The following GNAO1 variants were observed in gnomAD, a reference collection of about 807,000 sequenced individuals.
GNAO1 encodes guanine nucleotide-binding protein G(o) subunit alpha.
For synonymous variants in GNAO1, 164 were observed against 180.7 expected (o/e 0.91, Z 0.74); for missense variants, 166 against 478.7 (o/e 0.35, Z 6.10).
intron 3 of GNAO1, among the ~76,000 whole-genome samples, chr16:56,281,579 T>C (rs1294148529): frequency 6.6e-6 from 1 of 151,672 alleles, no homozygotes; most frequent in African/African-American, 2.4e-5. Context: ...CCTCCCTCCT[T>C]CTCAGTCCCC....
At chr16:56,248,140 C>T (rs2036766528) in intron 2 of GNAO1, among the ~76,000 whole-genome samples, 1 of 152,200 alleles carries the variant, frequency 6.6e-6, no homozygotes, top group Non-Finnish European at 1.5e-5. Context: ...TTCTTTGAAA[C>T]AATTTTTAAC....
At chr16:56,269,501 A>G (rs572764171) in intron 2 of GNAO1, among the ~76,000 whole-genome samples, 4 of 152,298 alleles carry the variant, frequency 2.6e-5, no homozygotes, top group Non-Finnish European at 5.9e-5. Context: ...GGCACTCTAC[A>G]TGGATTCATT....
Position 56,290,062 on chromosome 16 carries a change from G to C in GNAO1, c.303+13990G>C, listed in dbSNP as rs574634268. On this transcript the variant is annotated intron_variant, in intron 3 of 8. Transcript: ENST00000262493. ...TCCTGTAGCTCCTGCCACAGGCTCTGCTGCTGACTCTTTAAATGCCACGAC... is the reference window on the plus strand; with the variant it reads ...TCCTGTAGCTCCTGCCACAGGCTCTCCTGCTGACTCTTTAAATGCCACGAC... Among the ~76,000 whole-genome samples, 93 of 152,334 alleles carry C rather than the reference G, an allele frequency of 6.1e-4. 1 individual carries two copies. The highest frequency in any genetic ancestry group is 1.1e-3 in the Non-Finnish European group (73 of 68,040).
At position 56,351,616 on chromosome 16, in the gene GNAO1, C is replaced by T; in HGVS notation, c.877+79C>T. On this transcript the variant is annotated intron_variant, in intron 7 of 8. Coordinates refer to ENST00000262493, the MANE Select transcript of GNAO1 (RefSeq NM_020988.3). This position sits in a 1 kb window ranked among gnomAD's most constrained non-coding sequence, Gnocchi z 6.1. ...TGGCTCAGAGAACAGGCTGCTCGGCCAGCACTGCTGGGGCTAGCTGGCGAG... is the reference window on the plus strand; with the variant it reads ...TGGCTCAGAGAACAGGCTGCTCGGCTAGCACTGCTGGGGCTAGCTGGCGAG... 1 of 1,170,880 alleles carries T rather than the reference C, an allele frequency of 8.5e-7. No individual in the cohort carries two copies. Among genetic ancestry groups the T allele is most frequent in the South Asian group, 1.3e-5 (1 of 76,258 alleles). 72.5% of individuals were successfully genotyped at this position (1,170,880 alleles called of 1,614,324 possible).
chr16:56,208,271 G>A (rs569230591), intron 2 of GNAO1, among the ~76,000 whole-genome samples: 8 of 152,162 alleles, frequency 5.3e-5, no homozygotes, highest in East Asian at 1.9e-4. Flanking sequence ...TCATGAATAT[G>A]CTATATATTA....
chr16:56,199,497 T>C (rs2036262911), intron 2 of GNAO1, among the ~76,000 whole-genome samples: 1 of 152,172 alleles, frequency 6.6e-6, no homozygotes, highest in South Asian at 2.1e-4. Context: ...ATGAAGAAAC[T>C]TGCCTGGGTT....
rs146523349 is a variant in GNAO1 at position 56,238,203 on chromosome 16, T to C, written c.162-37728T>C. On this transcript the variant is annotated intron_variant, in intron 2 of 8. Transcript: ENST00000262493. ...GCCACAAGAGGAGGTTTTCAAAACG[T>C]GGGACCAAGAGGATCAGGCTTCCCC... 1.8e-3 allele frequency among the ~76,000 whole-genome samples: 268 copies of C among 149,788 alleles called. 1 individual carries two copies. Among genetic ancestry groups the C allele is most frequent in the Middle Eastern group, 0.01 (3 of 292 alleles).
chr16:56,192,681 C>G, intron 2 of GNAO1, 65 bp downstream of exon 2: 1 of 953,280 alleles, frequency 1.0e-6, no homozygotes. Flanking sequence ...GTTTTTATTA[C>G]ATTGCTTACT....
At chr16:56,266,380 A>G (rs1329292297) in intron 2 of GNAO1, among the ~76,000 whole-genome samples, 1 of 152,208 alleles carries the variant, frequency 6.6e-6, no homozygotes. Context: ...ACTTCCCATC[A>G]GGGGCCTCTA....
chr16:56,344,724 T>G (rs772298932), intron 6 of GNAO1: 109 of 985,330 alleles, frequency 1.1e-4, no homozygotes, highest in Non-Finnish European at 1.2e-4. Context: ...TCCCGCCCAG[T>G]CCTCGCAGGC....
chr16:56,305,673 G>C (rs1217852528), intron 3 of GNAO1, among the ~76,000 whole-genome samples: 1 of 152,160 alleles, frequency 6.6e-6, no homozygotes, highest in Non-Finnish European at 1.5e-5. Flanking sequence ...CCCAGCCCCA[G>C]GGAGAGCTCC....
intron 3 of GNAO1, among the ~76,000 whole-genome samples, chr16:56,288,003 G>A (rs2037190600): frequency 6.6e-6 from 1 of 152,182 alleles, no homozygotes; most frequent in Non-Finnish European, 1.5e-5. Flanking sequence ...CAGAGTAAAT[G>A]CTGCTGAAAT....
chr16:56,227,964 C>T (rs2036548184), intron 2 of GNAO1, among the ~76,000 whole-genome samples: 1 of 152,094 alleles, frequency 6.6e-6, no homozygotes, highest in Non-Finnish European at 1.5e-5. Flanking sequence ...CACACAACTG[C>T]GTAAATGGCT....
At position 56,267,580 on chromosome 16, in the gene GNAO1, C is replaced by T. The variant is rs909067653; in HGVS notation, c.162-8351C>T. The stretch of plus-strand genomic sequence containing the variant: ...TGTCCTACCTTGTCTGTCCAGCCAG[C>T]ACCTGCTCCGTGGTCACTGCTGTTT... On this transcript the variant is annotated intron_variant, in intron 2 of 8. Transcript: ENST00000262493. Among the ~76,000 whole-genome samples, 8 of 152,340 alleles carry T rather than the reference C, an allele frequency of 5.3e-5. No homozygotes were observed. In the East Asian group the frequency reaches 1.3e-3, roughly 26 times the overall value.
At chr16:56,231,999 G>A (rs1297128126) in intron 2 of GNAO1, among the ~76,000 whole-genome samples, 2 of 152,016 alleles carry the variant, frequency 1.3e-5, no homozygotes, top group African/African-American at 4.8e-5. Flanking sequence ...GGAGGAGGGG[G>A]GCCCAGACCA....
intron 2 of GNAO1, among the ~76,000 whole-genome samples, chr16:56,206,184 G>A (rs1209563529): frequency 6.6e-6 from 1 of 152,050 alleles, no homozygotes; most frequent in Admixed American, 6.5e-5. Context: ...GCTGGGCATG[G>A]TGGTGGGCGA....
chr16:56,269,269 G>T (rs2036990488), intron 2 of GNAO1, among the ~76,000 whole-genome samples: 1 of 152,060 alleles, frequency 6.6e-6, no homozygotes, highest in Non-Finnish European at 1.5e-5. Context: ...CTCCACTGTG[G>T]CTTGTTAACC....
intron 2 of GNAO1, among the ~76,000 whole-genome samples, chr16:56,261,214 T>A (rs1671980171): frequency 6.6e-6 from 1 of 152,242 alleles, no homozygotes; most frequent in Non-Finnish European, 1.5e-5. Flanking sequence ...ATGATTTCCC[T>A]GAGGAGCCCC....
intron 2 of GNAO1, among the ~76,000 whole-genome samples, chr16:56,208,871 T>A (rs2036357611): frequency 6.6e-6 from 1 of 152,182 alleles, no homozygotes; most frequent in Admixed American, 6.5e-5. Flanking sequence ...TAAATACTAG[T>A]CTTTTTTGTT....
Sources: gnomAD v4.1 joint callset for allele counts (sites outside exome capture counted in the v4.1 genomes callset) on GRCh38, gnomAD v4.1.1 for gene constraint, Gnocchi (gnomAD v3.1) non-coding constraint, MANE v1.5 for transcripts, NCBI Gene and HGNC (gene_info 2026-07-23, HGNC 2026-07-21) for gene names.